TGM2: variants seen among roughly 807,000 people sequenced by gnomAD.
TGM2 encodes the protein transglutaminase 2.
A neutral mutation model predicts 75.6 loss-of-function variants in TGM2; 53 were observed. The ratio of observed to expected loss-of-function variants is 0.70; its 90% CI spans 0.56 to 0.88. The LOEUF (loss-of-function observed/expected upper bound fraction) is 0.88, where lower values mean the gene tolerates loss of function less well. Among genes scored for constraint, TGM2 ranks in the 40% least tolerant of loss-of-function variants. TGM2 has a pLI of 0.00. For missense variants in TGM2, 842 were observed against 928.5 expected, an observed-to-expected ratio of 0.91 and a Z score of 1.21; for synonymous variants, 374 against 381.1, an observed-to-expected ratio of 0.98 and a Z score of 0.22.
intron 10 of TGM2, among the ~76,000 whole-genome samples, chr20:38,133,986 C>A (rs2074867180): frequency 6.6e-6 from 1 of 152,132 alleles, no homozygotes; most frequent in African/African-American, 2.4e-5. Context: ...TGGCCAGATA[C>A]AGTGATGTGC....
At chr20:38,150,885 C>T (rs2122929273) in intron 4 of TGM2, 54 bp downstream of exon 4, 1 of 1,367,124 alleles carries the variant, frequency 7.3e-7, no homozygotes. Flanking sequence ...AGACACAGGG[C>T]CGGGCACACA....
At chr20:38,150,698 A>G (rs1183049506) in intron 4 of TGM2, among the ~76,000 whole-genome samples, 1 of 152,164 alleles carries the variant, frequency 6.6e-6, no homozygotes, top group Non-Finnish European at 1.5e-5. Context: ...ACAGTTCCCA[A>G]AGGCTCTCCT....
intron 3 of TGM2, 105 bp downstream of exon 3, chr20:38,155,742 A>T: frequency 2.0e-6 from 3 of 1,471,446 alleles, no homozygotes; most frequent in Non-Finnish European, 2.7e-6. Flanking sequence ...GTCCACTTTG[A>T]TGTGTGTCTC....
At chr20:38,162,524 G>GA (rs1035792749) in intron 1 of TGM2, among the ~76,000 whole-genome samples, 5 of 152,160 alleles carry the variant, frequency 3.3e-5, no homozygotes, top group Admixed American at 2.6e-4. Context: ...GAAAGAAAAT[G>GA]AAAAAAACAT....
chr20:38,153,580 G>C (rs905620454), intron 3 of TGM2, among the ~76,000 whole-genome samples: 1 of 151,178 alleles, frequency 6.6e-6, no homozygotes, highest in African/African-American at 2.4e-5. Flanking sequence ...GACCAATGTG[G>C]ACAGAGCCTC....
intron 1 of TGM2, among the ~76,000 whole-genome samples, chr20:38,163,876 C>T (rs1438156559): frequency 6.6e-6 from 1 of 152,226 alleles, no homozygotes; most frequent in African/African-American, 2.4e-5. Flanking sequence ...AGTCCCTGGG[C>T]TGTGGGAGCT....
chr20:38,163,067 G>A lies in TGM2; in HGVS notation c.11-1468C>T, dbSNP rs138572915. On this transcript the variant is annotated intron_variant, in intron 1 of 12. Coordinates refer to ENST00000361475, the MANE Select transcript of TGM2 (RefSeq NM_004613.4). ...ATGTGTTGGGAACCCCCTTCCCCAC[G>A]GCCCAGCCCAGGACAGAAGCTTGAT... Among the ~76,000 whole-genome samples the A allele has an allele frequency of 5.1e-3, 780 of 152,220 alleles. 12 individuals are homozygous for A. The highest frequency in any genetic ancestry group is 0.018 in the African/African-American group (738 of 41,510).
rs1309065326 is a variant in TGM2, at chr20:38,141,383, T to C, written c.998A>G (p.Asn333Ser). ...IQGDKSEMIW[N>S]FHCWVESWMT... is the part of the protein sequence containing the mutation. ...CCACGACTCCACCCAGCAGTGGAAG[T>C]TCCTGAGGGGGATAGGGGGGCGGGA... Residue 333 changes from asparagine (N) to serine (S), a missense_variant and splice_region_variant, in exon 8 of 13, where the codon AAC (asparagine) becomes AGC (serine). Asn to Ser is a conservative substitution (Grantham distance 46, BLOSUM62 1). Transcript: ENST00000361475. 7 of 1,577,426 alleles carry C rather than the reference T, an allele frequency of 4.4e-6. No individual in the cohort carries two copies. The highest frequency in any genetic ancestry group is 6.0e-6 in the Non-Finnish European group (7 of 1,160,870).
At chr20:38,153,558 C>T (rs1461417876) in intron 3 of TGM2, among the ~76,000 whole-genome samples, 2 of 104,820 alleles carry the variant, frequency 1.9e-5, no homozygotes, top group Non-Finnish European at 3.5e-5. Flanking sequence ...AATGAATGAG[C>T]AGATGTATGC....
intron 10 of TGM2, 177 bp from the exon 11 acceptor site, chr20:38,132,677 G>A: frequency 1.2e-6 from 1 of 846,638 alleles, no homozygotes; most frequent in Non-Finnish European, 2.0e-6. Flanking sequence ...CGAGGAGCTG[G>A]AGAGTGGACA....
At chr20:38,153,699 C>A (rs985587035) in intron 3 of TGM2, among the ~76,000 whole-genome samples, 7 of 152,046 alleles carry the variant, frequency 4.6e-5, no homozygotes, top group African/African-American at 1.7e-4. Context: ...GCAATTTCTC[C>A]AGGCACATAC....
At chr20:38,152,190 A>G (rs1208107816) in intron 3 of TGM2, among the ~76,000 whole-genome samples, 2 of 152,138 alleles carry the variant, frequency 1.3e-5, no homozygotes, top group African/African-American at 4.8e-5. Flanking sequence ...CGGGCCCCTA[A>G]GAGTTTCTCA....
intron 7 of TGM2, 45 bp downstream of exon 7, chr20:38,142,019 G>C (rs778533521): frequency 6.2e-7 from 1 of 1,612,416 alleles, no homozygotes; most frequent in Non-Finnish European, 8.5e-7. Context: ...CTCTCCATGG[G>C]GCCCTCCCTA....
intron 4 of TGM2, among the ~76,000 whole-genome samples, chr20:38,149,346 G>T (rs2075085638): frequency 6.6e-6 from 1 of 151,966 alleles, no homozygotes; most frequent in Admixed American, 6.6e-5. Context: ...CTTTGCAAAG[G>T]CCATGTCCCA....
At chr20:38,155,197 T>G (rs6023527) in intron 3 of TGM2, among the ~76,000 whole-genome samples, 26,450 of 152,088 alleles carry the variant, frequency 0.17, 2,514 homozygotes, top group African/African-American at 0.24. Flanking sequence ...AGGCATCAGC[T>G]GGGCACCCTA....
intron 11 of TGM2, 147 bp from the exon 12 acceptor site, chr20:38,131,376 C>T: frequency 8.5e-7 from 1 of 1,174,826 alleles, no homozygotes; most frequent in Non-Finnish European, 1.2e-6. Flanking sequence ...CTCTGTGCCT[C>T]AGTTTCTTCA....
intron 3 of TGM2, 44 bp from the exon 4 acceptor site, chr20:38,151,101 GC>G: frequency 6.8e-7 from 1 of 1,472,290 alleles, no homozygotes; most frequent in Non-Finnish European, 9.5e-7. Context: ...GTCTGCGGAG[GC>G]CCAGGGTCCC....
intron 2 of TGM2, among the ~76,000 whole-genome samples, chr20:38,157,297 G>A (rs1338283637): frequency 6.8e-6 from 1 of 148,040 alleles, no homozygotes; most frequent in Non-Finnish European, 1.5e-5. Flanking sequence ...GCATGACACA[G>A]GCCTCTCAGG....
At chr20:38,132,582 G>T in intron 10 of TGM2, 82 bp from the exon 11 acceptor site, 1 of 1,574,830 alleles carries the variant, frequency 6.3e-7, no homozygotes, top group African/African-American at 1.3e-5. Flanking sequence ...GGCACAGAGA[G>T]GGGAAGGAAT....
Sources: allele counts gnomAD v4.1 joint callset (sites outside exome capture counted in the v4.1 genomes callset), GRCh38; gene constraint gnomAD v4.1.1; transcripts MANE v1.5; gene names NCBI Gene and HGNC (gene_info 2026-07-23, HGNC 2026-07-21).